RSF1: variants seen among roughly 807,000 people sequenced by gnomAD.
The protein encoded by RSF1 is remodeling and spacing factor 1, also known as HBV pX-associated protein 8.
Under a neutral mutation model 145.2 loss-of-function variants are expected in RSF1, and 13 were observed. The ratio of observed to expected loss-of-function variants is 0.09; its 90% confidence interval spans 0.06 to 0.14. The LOEUF (loss-of-function observed/expected upper bound fraction) is 0.14. Among genes scored for constraint, RSF1 ranks in the 10% least tolerant of loss-of-function variants. The pLI, the probability that RSF1 is intolerant of heterozygous loss-of-function variation, is 1.00. For missense variants in RSF1, 1,517 were observed against 1,718.2 expected, an observed-to-expected ratio of 0.88 and a Z score of 2.07; for synonymous variants, 577 against 592.6, an observed-to-expected ratio of 0.97 and a Z score of 0.38.
chr11:77,815,220 TAC>T (rs1292019750), intron 1 of RSF1, among the ~76,000 whole-genome samples: 1 of 152,260 alleles, frequency 6.6e-6, no homozygotes, highest in Non-Finnish European at 1.5e-5. Context: ...AAACCTAACG[TAC>T]AGATATGACC....
the RSF1 span, among the ~76,000 whole-genome samples, chr11:77,865,868 T>C: frequency 6.6e-6 from 1 of 152,254 alleles, no homozygotes; most frequent in Non-Finnish European, 1.5e-5. Flanking sequence ...AAGGGGACCA[T>C]CGGCCTCAAT....
chr11:77,810,730 T>A (rs1295265055), intron 1 of RSF1, among the ~76,000 whole-genome samples: 7 of 152,184 alleles, frequency 4.6e-5, no homozygotes, highest in South Asian at 2.1e-4. Context: ...CCAACTAATT[T>A]GTATTTTTAA....
intron 2 of RSF1, among the ~76,000 whole-genome samples, chr11:77,754,016 G>C (rs922374794): frequency 2.0e-5 from 3 of 152,184 alleles, no homozygotes; most frequent in Admixed American, 1.3e-4. Flanking sequence ...CCAAATGCTA[G>C]AGGAGACTAA....
intron 7 of RSF1, 59 bp from the exon 8 acceptor site, chr11:77,693,670 T>A (rs556924453): frequency 3.1e-5 from 37 of 1,192,048 alleles, no homozygotes; most frequent in Non-Finnish European, 4.4e-5. Context: ...ACTCTTAGGT[T>A]AAAGACGTTT....
chr11:77,802,781 C>A (rs1408551288), intron 1 of RSF1, among the ~76,000 whole-genome samples: 1 of 152,104 alleles, frequency 6.6e-6, no homozygotes, highest in Admixed American at 6.5e-5. Context: ...GAACTCCTGA[C>A]CTCAGGTGAT....
chr11:77,746,896 A>G, intron 3 of RSF1, 140 bp downstream of exon 3: 1 of 532,108 alleles, frequency 1.9e-6, no homozygotes, highest in South Asian at 2.5e-5. Context: ...TAAAGAATAG[A>G]TTGTCACTAA....
the RSF1 span, among the ~76,000 whole-genome samples, chr11:77,867,986 C>T: frequency 2.6e-5 from 4 of 151,978 alleles, no homozygotes; most frequent in Admixed American, 6.6e-5. Flanking sequence ...TCTTTTCCCA[C>T]CTCATCTGTC....
the RSF1 span, among the ~76,000 whole-genome samples, chr11:77,865,456 G>C: frequency 6.6e-6 from 1 of 152,178 alleles, no homozygotes; most frequent in African/African-American, 2.4e-5. Flanking sequence ...TAACTTGCAA[G>C]GAAGAGGAAA....
intron 1 of RSF1, among the ~76,000 whole-genome samples, chr11:77,807,110 A>G (rs1948685155): frequency 6.6e-6 from 1 of 152,192 alleles, no homozygotes; most frequent in Non-Finnish European, 1.5e-5. Flanking sequence ...ATAACTCCCA[A>G]TCTAATTTTC....
At chr11:77,677,222 T>A (rs931486806) in intron 12 of RSF1, among the ~76,000 whole-genome samples, 8 of 152,200 alleles carry the variant, frequency 5.3e-5, no homozygotes, top group African/African-American at 1.9e-4. Context: ...GGGAACCTCG[T>A]TTTTTAAATT....
intron 15 of RSF1, 32 bp downstream of exon 15, chr11:77,672,010 A>C (rs750689315): frequency 2.6e-6 from 4 of 1,563,670 alleles, no homozygotes; most frequent in Non-Finnish European, 3.5e-6. Flanking sequence ...TGCCCTGTCC[A>C]AACTTCTATA....
chr11:77,705,722 A>G (rs1179149206), intron 5 of RSF1, among the ~76,000 whole-genome samples: 1 of 152,090 alleles, frequency 6.6e-6, no homozygotes, highest in Non-Finnish European at 1.5e-5. Context: ...TCCAGATTCT[A>G]TACACAATAC....
At chr11:77,846,631 G>A in the RSF1 span, among the ~76,000 whole-genome samples, 3 of 152,134 alleles carry the variant, frequency 2.0e-5, no homozygotes, top group Non-Finnish European at 2.9e-5. Context: ...GCTTGAACCC[G>A]GGAGGTGGAG....
intron 2 of RSF1, among the ~76,000 whole-genome samples, chr11:77,753,259 TCGC>T (rs1482908027): frequency 5.9e-5 from 9 of 152,230 alleles, no homozygotes; most frequent in African/African-American, 2.2e-4. Context: ...GGTAACAAAA[TCGC>T]CTTTGCAAAA....
chr11:77,676,853 G>A lies in RSF1; in HGVS notation c.3280C>T (p.Leu1094=), dbSNP rs1959718912. ...RRKKRRRLND[L]DSDSNLDEEE... ...TCATCCAGGTTGCTATCACTGTCCA[G>A]ATCATTTAATCGCCGGCGTTTCTTC... Residue 1094 remains leucine, a synonymous_variant, in exon 13 of 16, where the codon CTG becomes TTG. Transcript: ENST00000308488. The A allele has an allele frequency of 6.2e-7, 1 of 1,614,022 alleles. No homozygotes were observed. Among genetic ancestry groups the A allele is most frequent in the Admixed American group, 1.7e-5 (1 of 59,998 alleles).
chr11:77,680,868 C>T (rs1959841340), intron 11 of RSF1, among the ~76,000 whole-genome samples: 1 of 152,124 alleles, frequency 6.6e-6, no homozygotes, highest in Non-Finnish European at 1.5e-5. Flanking sequence ...ACATATAAAG[C>T]CAGATGCCAG....
chr11:77,720,069 T>C lies in RSF1; in HGVS notation c.733+5476A>G, dbSNP rs564189871. ...AGAATTAGTGGTTATGGTTGCACAA[T>C]GCTGTGAATATACTAAAATCACTAA... On this transcript the variant is annotated intron_variant, in intron 5 of 15. Transcript: ENST00000308488. Among the ~76,000 whole-genome samples the C allele has an allele frequency of 5.9e-5, 9 of 152,348 alleles. No homozygotes were observed. The South Asian group carries it at 1.9e-3, about 32-fold the overall frequency.
At chr11:77,702,696 AAAAAATTTAG>A (rs1960455907) in intron 5 of RSF1, 1 of 383,232 alleles carries the variant, frequency 2.6e-6, no homozygotes, top group Non-Finnish European at 4.5e-6. Context: ...TAGATATTAA[AAAAAATTTAG>A]AAAAATTTAG....
chr11:77,800,105 C>T (rs1373163601), intron 1 of RSF1, among the ~76,000 whole-genome samples: 2 of 152,070 alleles, frequency 1.3e-5, no homozygotes, highest in East Asian at 1.9e-4. Flanking sequence ...CGATTGCTCC[C>T]GTGAATAGCC....
Sources: gnomAD v4.1 joint callset for allele counts (sites outside exome capture counted in the v4.1 genomes callset) on GRCh38, gnomAD v4.1.1 for gene constraint, MANE v1.5 for transcripts, NCBI Gene and HGNC (gene_info 2026-07-23, HGNC 2026-07-21) for gene names.